GYS1: variants seen among roughly 807,000 people sequenced by gnomAD.
GYS1 encodes the protein glycogen [starch] synthase, muscle.
Under a neutral mutation model 89.1 loss-of-function variants are expected in GYS1, and 60 were observed. The observed-to-expected ratio is 0.67, with a 90% CI of 0.55 to 0.84. The LOEUF (loss-of-function observed/expected upper bound fraction) is 0.84. Ranked by LOEUF, GYS1 falls within the 40% of genes least tolerant of loss-of-function variation. The probability of loss-of-function intolerance (pLI) is 0.00; values close to 1 mark genes in which losing one functional copy is unlikely to be tolerated. For synonymous variants in GYS1, 366 were observed against 401.7 expected, an observed-to-expected ratio of 0.91 and a Z score of 1.06; for missense variants, 888 against 1,003.1, an observed-to-expected ratio of 0.89 and a Z score of 1.55.
intron 12 of GYS1, among the ~76,000 whole-genome samples, chr19:48,972,599 T>C (rs1441075132): frequency 6.6e-6 from 1 of 151,852 alleles, no homozygotes; most frequent in Non-Finnish European, 1.5e-5. Flanking sequence ...CCACCTCAAC[T>C]TCCCGAAGGG....
rs909786830 is a variant in GYS1, at chr19:48,991,661, C to G, written c.119-178G>C. On this transcript the variant is annotated intron_variant, in intron 1 of 15. Coordinates refer to ENST00000323798, the MANE Select transcript of GYS1 (RefSeq NM_002103.5). This position sits in a 1 kb window ranked among gnomAD's most constrained non-coding sequence, Gnocchi z 4.7. ...GTTGGAAGCTTGGATGAGGGGAACACGAGGGCTGGAGGGCAGTCCTCCTGG... is the reference window on the plus strand; with the variant it reads ...GTTGGAAGCTTGGATGAGGGGAACAGGAGGGCTGGAGGGCAGTCCTCCTGG... 1.5e-6 allele frequency: 1 copy of G among 659,080 alleles called. No homozygotes were observed. The highest frequency in any genetic ancestry group is 2.6e-6 in the Non-Finnish European group (1 of 381,256). The allele number at this position is 659,080 out of a possible 1,614,324, so 40.8% of individuals were successfully genotyped here.
chr19:48,982,795 G>C lies in GYS1; in HGVS notation c.866C>G (p.Ala289Gly), dbSNP rs745533019. ...ATGGAGGTTCTGGAACTCATGCATG[G>C]CAGAAAACTTCTTCACATTCAGCCC... ...PNGLNVKKFS[A>G]MHEFQNLHAQ... The change falls in exon 6 of 16, where the codon GCC becomes GGC. Residue 289 changes from alanine (A) to glycine (G), a missense_variant. Physicochemically the swap from Ala to Gly is moderately conservative, Grantham distance 60. Coordinates refer to ENST00000323798, the MANE Select transcript of GYS1 (RefSeq NM_002103.5). 2.5e-6 allele frequency: 4 copies of C among 1,613,490 alleles called. No homozygotes were observed. The African/African-American group carries it at 5.3e-5, about 22-fold the overall frequency.
chr19:48,979,331 C>CTT (rs1568620568), intron 8 of GYS1, among the ~76,000 whole-genome samples: 4 of 46,354 alleles, frequency 8.6e-5, no homozygotes, highest in Non-Finnish European at 9.3e-5. Flanking sequence ...TTTCTTTTTT[C>CTT]TTTTCTTTTT....
intron 5 of GYS1, among the ~76,000 whole-genome samples, chr19:48,984,856 G>A (rs188914430): frequency 5.7e-4 from 86 of 151,980 alleles, no homozygotes; most frequent in African/African-American, 1.9e-3. Context: ...ACTCCAGCCT[G>A]GGCGACAGAG....
At position 48,968,179 on chromosome 19, in the gene GYS1, A is replaced by G. The variant is rs2038489314; in HGVS notation, c.*1109T>C. 3 of 453,998 alleles carry G rather than the reference A, an allele frequency of 6.6e-6. No homozygotes were observed. Among genetic ancestry groups the G allele is most frequent in the South Asian group, 1.6e-5 (1 of 64,474 alleles). 28.1% of individuals were successfully genotyped at this position (453,998 alleles called of 1,614,324 possible). A position where few individuals can be genotyped will look rare whatever the true frequency, so the allele number is the denominator to read the frequency against. ...TCATCTCATCTCCGGACACACTCCA[A>G]TCACACCCCTCCTGCCCTCCCCTCT... is the stretch of plus-strand genomic sequence containing the variant. On this transcript the variant is annotated 3_prime_UTR_variant, in exon 16 of 16. Transcript: ENST00000323798.
At chr19:48,971,081 C>A in intron 12 of GYS1, 58 bp from the exon 13 acceptor site, 1 of 1,169,974 alleles carries the variant, frequency 8.5e-7, no homozygotes, top group South Asian at 1.2e-5. Flanking sequence ...CCGTCTTAAT[C>A]GCAATAGACG....
intron 7 of GYS1, 40 bp downstream of exon 7, chr19:48,982,214 CT>C (rs1407474949): frequency 4.4e-6 from 7 of 1,608,524 alleles, no homozygotes; most frequent in Non-Finnish European, 5.1e-6. Context: ...TTATAAACTG[CT>C]TTGCTTGCCC....
intron 14 of GYS1, 67 bp from the exon 15 acceptor site, chr19:48,969,922 G>A (rs1012561484): frequency 1.9e-4 from 205 of 1,087,552 alleles, no homozygotes; most frequent in Non-Finnish European, 2.6e-4. Context: ...CAGATGATGG[G>A]GGTCTTGGCC....
chr19:48,992,947 T>A (rs2038962580), intron 1 of GYS1, 48 bp downstream of exon 1: 1 of 1,081,106 alleles, frequency 9.2e-7, no homozygotes. Context: ...CGGGCCCCCA[T>A]CCACTACTGT....
Position 48,991,186 on chromosome 19 carries a change from C to G in GYS1, c.300+116G>C. On this transcript the variant is annotated intron_variant, in intron 2 of 15. Transcript: ENST00000323798. The surrounding 1 kb of genome is among the most constrained non-coding windows in gnomAD (Gnocchi z 4.7). ...TCCTATCACGCCTCCTTCCTGTGTCCAAGCCTGCCTCGCTCTCTGGCTGGG... is the reference window on the plus strand; with the variant it reads ...TCCTATCACGCCTCCTTCCTGTGTCGAAGCCTGCCTCGCTCTCTGGCTGGG... 8.6e-7 allele frequency: 1 copy of G among 1,161,770 alleles called. No homozygotes were observed. The highest frequency in any genetic ancestry group is 1.3e-6 in the Non-Finnish European group (1 of 784,688). 72.0% of individuals were successfully genotyped at this position (1,161,770 alleles called of 1,614,324 possible).
intron 1 of GYS1, among the ~76,000 whole-genome samples, chr19:48,992,761 C>T (rs1231100836): frequency 2.6e-5 from 4 of 152,066 alleles, no homozygotes; most frequent in Non-Finnish European, 4.4e-5. Flanking sequence ...CTCATTTTAG[C>T]GCCCTCTTCC....
chr19:48,976,054 G>A (rs541874255), intron 10 of GYS1, among the ~76,000 whole-genome samples: 7 of 152,080 alleles, frequency 4.6e-5, no homozygotes, highest in East Asian at 1.9e-4. Flanking sequence ...CTGCTGGGGT[G>A]TATAGTTCTT....
Position 48,968,288 on chromosome 19 carries a change from T to G in GYS1, c.*1000A>C, listed in dbSNP as rs908775314. 1 of 454,176 alleles carries G rather than the reference T, an allele frequency of 2.2e-6. No individual in the cohort carries two copies. The highest frequency in any genetic ancestry group is 1.6e-5 in the South Asian group (1 of 64,480). The allele number at this position is 454,176 out of a possible 1,614,324, so 28.1% of individuals were successfully genotyped here. On this transcript the variant is annotated 3_prime_UTR_variant, in exon 16 of 16. Transcript: ENST00000323798. ...ACCAAAGCTGAAGGCAGGGCACAGT[T>G]TGGGGATGGAAGAGCCTCGAGGTAA...
chr19:48,976,104 C>T (rs1040314552), intron 10 of GYS1, among the ~76,000 whole-genome samples: 12 of 151,964 alleles, frequency 7.9e-5, no homozygotes, highest in African/African-American at 7.3e-5. Flanking sequence ...ATTTTACTTA[C>T]CACCACTCTA....
chr19:48,968,469 T>C lies in GYS1; in HGVS notation c.*819A>G, dbSNP rs772311290. 8.8e-6 allele frequency: 4 copies of C among 454,200 alleles called. No homozygotes were observed. The highest frequency in any genetic ancestry group is 6.2e-5 in the South Asian group (4 of 64,462). The allele number at this position is 454,200 out of a possible 1,614,324, so 28.1% of individuals were successfully genotyped here. A position where few individuals can be genotyped will look rare whatever the true frequency, so the allele number is the denominator to read the frequency against. On this transcript the variant is annotated 3_prime_UTR_variant, in exon 16 of 16. Transcript: ENST00000323798. ...AGTTGGGAATAAGCCAGGTTAGGGG[T>C]GGGGGAAGACAGCCAGCTCTGTCCT...
rs569045095 is a variant in GYS1 at position 48,968,849 on chromosome 19, C to A, written c.*439G>T. ...TTGATCGCCCCATTCGCAGGGACAC[C>A]ACGTGGTTTCCAGAACTTGGTGGCC... On this transcript the variant is annotated 3_prime_UTR_variant, in exon 16 of 16. Transcript: ENST00000323798. 44 of 461,872 alleles carry A rather than the reference C, an allele frequency of 9.5e-5. No homozygotes were observed. Among genetic ancestry groups the A allele is most frequent in the African/African-American group, 8.3e-4 (42 of 50,464 alleles). The allele number at this position is 461,872 out of a possible 1,614,324, so 28.6% of individuals were successfully genotyped here. A position where few individuals can be genotyped will look rare whatever the true frequency, so the allele number is the denominator to read the frequency against.
At chr19:48,988,045 G>T (rs540455949) in intron 2 of GYS1, among the ~76,000 whole-genome samples, 3 of 152,182 alleles carry the variant, frequency 2.0e-5, no homozygotes, top group Non-Finnish European at 4.4e-5. Context: ...CTTGTGATCC[G>T]CCCGCCTCGG....
chr19:48,974,149 C>T, intron 12 of GYS1, 64 bp downstream of exon 12: 2 of 1,532,610 alleles, frequency 1.3e-6, no homozygotes, highest in South Asian at 2.4e-5. Flanking sequence ...AGTGCCTCGC[C>T]CCAAGACATG....
At chr19:48,975,296 A>G (rs1197640733) in intron 10 of GYS1, among the ~76,000 whole-genome samples, 1 of 149,758 alleles carries the variant, frequency 6.7e-6, no homozygotes, top group Non-Finnish European at 1.5e-5. Flanking sequence ...TTGGTCTCGA[A>G]CTCATGGGCT....
Sources: gnomAD v4.1 joint callset for allele counts (sites outside exome capture counted in the v4.1 genomes callset) on GRCh38, gnomAD v4.1.1 for gene constraint, Gnocchi (gnomAD v3.1) non-coding constraint, MANE v1.5 for transcripts, NCBI Gene and HGNC (gene_info 2026-07-23, HGNC 2026-07-21) for gene names.